Variants in NKAIN2 observed in about 807,000 individuals in gnomAD.
NKAIN2 encodes sodium/potassium transporting ATPase interacting 2, also known as sodium/potassium-transporting ATPase subunit beta-1-interacting protein 2.
A neutral mutation model predicts 32.6 loss-of-function variants in NKAIN2; 14 were observed. The ratio of observed to expected loss-of-function variants is 0.43; its 90% confidence interval spans 0.28 to 0.67. The LOEUF (loss-of-function observed/expected upper bound fraction) is 0.67, where lower values mean the gene tolerates loss of function less well. Ranked by LOEUF, NKAIN2 falls within the 30% of genes least tolerant of loss-of-function variation. NKAIN2 has a pLI of 0.17. For missense variants in NKAIN2, 198 were observed against 258.3 expected (o/e 0.77, Z 1.60); for synonymous variants, 80 against 87.2 (o/e 0.92, Z 0.46).
intron 3 of NKAIN2, among the ~76,000 whole-genome samples, chr6:124,466,710 G>A (rs1338149250): frequency 6.7e-6 from 1 of 148,402 alleles, no homozygotes; most frequent in Non-Finnish European, 1.5e-5. Flanking sequence ...GTTACATATG[G>A]AGTCAAAAAG....
chr6:123,847,524 C>G (rs903808724), intron 1 of NKAIN2, among the ~76,000 whole-genome samples: 5 of 152,090 alleles, frequency 3.3e-5, no homozygotes, highest in African/African-American at 4.8e-5. Flanking sequence ...AGATGGATGT[C>G]TTATTCTACT....
intron 3 of NKAIN2, among the ~76,000 whole-genome samples, chr6:124,620,364 T>C (rs1783061855): frequency 6.6e-6 from 1 of 152,168 alleles, no homozygotes; most frequent in Non-Finnish European, 1.5e-5. Flanking sequence ...TTGTGTATGA[T>C]TTTTAGACAA....
intron 1 of NKAIN2, among the ~76,000 whole-genome samples, chr6:124,266,532 G>C (rs747246472): frequency 6.6e-6 from 1 of 152,090 alleles, no homozygotes; most frequent in African/African-American, 2.4e-5. Flanking sequence ...ACCCACCTCA[G>C]CCTCCCAAAG....
intron 4 of NKAIN2, among the ~76,000 whole-genome samples, chr6:124,689,249 T>A (rs1259031255): frequency 6.6e-6 from 1 of 152,126 alleles, no homozygotes; most frequent in Non-Finnish European, 1.5e-5. Flanking sequence ...ACACCTTTTT[T>A]ATCTACTTAT....
At chr6:124,492,604 A>C (rs1206343866) in intron 3 of NKAIN2, among the ~76,000 whole-genome samples, 1 of 151,952 alleles carries the variant, frequency 6.6e-6, no homozygotes, top group African/African-American at 2.4e-5. Flanking sequence ...GATAAATAAT[A>C]TGTTTGTTCA....
rs185468833 is a variant in NKAIN2, at chr6:124,571,403, C to A, written c.274-86783C>A. 6.2e-4 allele frequency among the ~76,000 whole-genome samples: 95 copies of A among 152,230 alleles called. 1 individual carries two copies. The East Asian group carries it at 0.018, about 29-fold the overall frequency. ...CCAAATCTCAACTTGAATTTATCTC[C>A]CAGAATTCCCACGTGTTGTGGGAGG... On this transcript the variant is annotated intron_variant, in intron 3 of 6. Transcript: ENST00000368417.
chr6:124,169,257 C>G (rs1391006074), intron 1 of NKAIN2, among the ~76,000 whole-genome samples: 3 of 152,032 alleles, frequency 2.0e-5, no homozygotes, highest in Non-Finnish European at 4.4e-5. Context: ...AAATTTATTT[C>G]TCTTAGATCT....
chr6:124,051,041 A>G (rs1327953693), intron 1 of NKAIN2, among the ~76,000 whole-genome samples: 4 of 152,130 alleles, frequency 2.6e-5, no homozygotes, highest in Non-Finnish European at 5.9e-5. Flanking sequence ...TTTATAGCAT[A>G]TAACAGTTGT....
chr6:124,087,740 T>G (rs772503809), intron 1 of NKAIN2, among the ~76,000 whole-genome samples: 1 of 151,954 alleles, frequency 6.6e-6, no homozygotes, highest in Non-Finnish European at 1.5e-5. Flanking sequence ...AAGTACCACA[T>G]AAACATGTTG....
At chr6:124,038,746 T>C (rs972599089) in intron 1 of NKAIN2, among the ~76,000 whole-genome samples, 5 of 152,144 alleles carry the variant, frequency 3.3e-5, no homozygotes, top group Non-Finnish European at 7.4e-5. Context: ...TTGTAATATA[T>C]AACTTTAATG....
At chr6:124,134,165 A>T (rs1253219191) in intron 1 of NKAIN2, among the ~76,000 whole-genome samples, 1 of 151,890 alleles carries the variant, frequency 6.6e-6, no homozygotes, top group African/African-American at 2.4e-5. Flanking sequence ...AATTTTCCAG[A>T]GAAACAGATA....
At chr6:123,839,093 G>T (rs1040091637) in intron 1 of NKAIN2, among the ~76,000 whole-genome samples, 2 of 152,120 alleles carry the variant, frequency 1.3e-5, no homozygotes, top group East Asian at 1.9e-4. Flanking sequence ...TGCTGCTTAG[G>T]GGGAGAGGGA....
chr6:124,623,094 T>G (rs529110321), intron 3 of NKAIN2, among the ~76,000 whole-genome samples: 1 of 152,254 alleles, frequency 6.6e-6, no homozygotes, highest in Admixed American at 6.5e-5. Context: ...ATCCTTAACT[T>G]AATTACATAT....
At chr6:124,126,681 G>T (rs1786181587) in intron 1 of NKAIN2, among the ~76,000 whole-genome samples, 1 of 152,170 alleles carries the variant, frequency 6.6e-6, no homozygotes, top group Non-Finnish European at 1.5e-5. Context: ...CAGCATTTTG[G>T]GAGGCCAAGG....
chr6:124,017,128 C>T (rs968331391), intron 1 of NKAIN2, among the ~76,000 whole-genome samples: 1 of 152,132 alleles, frequency 6.6e-6, no homozygotes, highest in Non-Finnish European at 1.5e-5. Flanking sequence ...GAAGCAAAAG[C>T]CTGTCTTAAC....
intron 3 of NKAIN2, among the ~76,000 whole-genome samples, chr6:124,558,003 T>C (rs1487147774): frequency 1.3e-5 from 2 of 152,254 alleles, no homozygotes; most frequent in Non-Finnish European, 1.5e-5. Context: ...TGATATACAA[T>C]GCATTGCTTT....
intron 1 of NKAIN2, among the ~76,000 whole-genome samples, chr6:124,260,914 T>TA: frequency 6.6e-6 from 1 of 152,354 alleles, no homozygotes; most frequent in African/African-American, 2.4e-5. Context: ...CATTTGTACT[T>TA]ACATCCACTC....
chr6:124,195,212 A>G (rs918591441), intron 1 of NKAIN2, among the ~76,000 whole-genome samples: 2 of 152,022 alleles, frequency 1.3e-5, no homozygotes, highest in African/African-American at 2.4e-5. Flanking sequence ...AATGTGCTCC[A>G]TATTCCATGA....
chr6:123,920,783 G>C (rs1338489786), intron 1 of NKAIN2, among the ~76,000 whole-genome samples: 1 of 152,056 alleles, frequency 6.6e-6, no homozygotes, highest in Non-Finnish European at 1.5e-5. Flanking sequence ...GATTGTAATG[G>C]ACAAAAACAA....
Sources: allele counts gnomAD v4.1 joint callset (sites outside exome capture counted in the v4.1 genomes callset), GRCh38; gene constraint gnomAD v4.1.1; transcripts MANE v1.5; gene names NCBI Gene and HGNC (gene_info 2026-07-23, HGNC 2026-07-21).